LDHAL6A: variants seen among roughly 807,000 people sequenced by gnomAD.
The protein encoded by LDHAL6A is lactate dehydrogenase A like 6A.
A neutral mutation model predicts 28.2 loss-of-function variants in LDHAL6A; 19 were observed. The ratio of observed to expected loss-of-function variants is 0.67; its 90% confidence interval spans 0.47 to 0.99. The LOEUF is 0.99. LDHAL6A is among the 50% of genes least tolerant of loss of function. LDHAL6A has a pLI of 0.00. For missense variants in LDHAL6A, 372 were observed against 398.6 expected (o/e 0.93, Z 0.57); for synonymous variants, 144 against 134.4 (o/e 1.07, Z -0.49).
At chr11:18,457,531 A>G (rs1484811532) in intron 1 of LDHAL6A, among the ~76,000 whole-genome samples, 1 of 152,114 alleles carries the variant, frequency 6.6e-6, no homozygotes, top group African/African-American at 2.4e-5. Flanking sequence ...TGGGTTTCAT[A>G]TCTAGATGAC....
intron 4 of LDHAL6A, among the ~76,000 whole-genome samples, chr11:18,475,998 C>T (rs1469767828): frequency 3.8e-5 from 1 of 26,322 alleles, no homozygotes; most frequent in Non-Finnish European, 1.8e-4. Flanking sequence ...ATGGGTATAA[C>T]TGAAGATATA....
chr11:18,474,413 G>A (rs926665610), intron 3 of LDHAL6A, among the ~76,000 whole-genome samples: 10 of 150,512 alleles, frequency 6.6e-5, no homozygotes, highest in African/African-American at 1.5e-4. Context: ...TTTTTGAGAC[G>A]GAGTCTTGCT....
At position 18,455,907 on chromosome 11, in the gene LDHAL6A, CCAAGCA is replaced by C. The variant is rs1848739946; in HGVS notation, c.-773_-768del. 1 of 151,864 alleles carries C rather than the reference CCAAGCA, an allele frequency of 6.6e-6. No homozygotes were observed. Among genetic ancestry groups the C allele is most frequent in the East Asian group, 1.9e-4 (1 of 5,170 alleles). 9.4% of individuals were successfully genotyped at this position (151,864 alleles called of 1,614,324 possible). On this transcript the variant is annotated 5_prime_UTR_variant, in exon 1 of 7. Coordinates refer to ENST00000280706, the MANE Select transcript of LDHAL6A (RefSeq NM_144972.5). ...TCACACCTGCCAAGCATCACACCTG[CCAAGCA>C]TCACACCTGCCAAGCATCACACCTG...
chr11:18,458,063 G>A (rs1848804762), intron 1 of LDHAL6A, among the ~76,000 whole-genome samples: 1 of 152,326 alleles, frequency 6.6e-6, no homozygotes, highest in African/African-American at 2.4e-5. Context: ...GGGAGGGACT[G>A]AGCCATATCC....
At chr11:18,462,032 TGTG>T (rs1008925523) in intron 1 of LDHAL6A, among the ~76,000 whole-genome samples, 83 of 151,056 alleles carry the variant, frequency 5.5e-4, no homozygotes, top group African/African-American at 1.7e-3. Flanking sequence ...GCTCCTGTGA[TGTG>T]GTGGTAGGCG....
intron 3 of LDHAL6A, among the ~76,000 whole-genome samples, chr11:18,467,968 CGTATAT>C (rs1849139737): frequency 1.8e-4 from 2 of 11,404 alleles, no homozygotes; most frequent in African/African-American, 3.8e-4. Flanking sequence ...TATATATATA[CGTATAT>C]ATATACGTAT....
At chr11:18,466,341 C>T (rs981016297) in intron 3 of LDHAL6A, among the ~76,000 whole-genome samples, 8 of 151,918 alleles carry the variant, frequency 5.3e-5, no homozygotes, top group Non-Finnish European at 1.2e-4. Flanking sequence ...AGTGTATATA[C>T]TATAATGACT....
intron 3 of LDHAL6A, among the ~76,000 whole-genome samples, chr11:18,468,014 CATATATATACGTATATATATAT>C (rs1849153712): frequency 1.7e-4 from 10 of 59,960 alleles, no homozygotes; most frequent in African/African-American, 6.5e-4. Context: ...TATATATATA[CATATATATACGTATATATATAT>C]ACATATATAT....
At chr11:18,474,667 G>T in intron 3 of LDHAL6A, among the ~76,000 whole-genome samples, 1 of 152,102 alleles carries the variant, frequency 6.6e-6, no homozygotes, top group South Asian at 2.1e-4. Flanking sequence ...GATTACAGGC[G>T]TGAGCCACTG....
chr11:18,463,617 A>G (rs896018904), intron 1 of LDHAL6A, among the ~76,000 whole-genome samples: 17 of 152,222 alleles, frequency 1.1e-4, no homozygotes, highest in African/African-American at 3.4e-4. Context: ...AAGAAGCTCA[A>G]GGTCTGGTGA....
chr11:18,468,039 ATATATATACGTATATATATATACAT>A (rs1849160022), intron 3 of LDHAL6A, among the ~76,000 whole-genome samples: 1 of 11,292 alleles, frequency 8.9e-5, no homozygotes, highest in Non-Finnish European at 3.1e-4. Context: ...ATATATATAC[ATATATATACGTATATATATATACAT>A]ATATATATAT....
chr11:18,464,980 T>TTTTG, intron 2 of LDHAL6A, among the ~76,000 whole-genome samples: 1 of 135,882 alleles, frequency 7.4e-6, no homozygotes, highest in Admixed American at 7.4e-5. Flanking sequence ...TTTTTTTGTT[T>TTTTG]TTTTTTGTTT....
chr11:18,470,288 G>C (rs1849226548), intron 3 of LDHAL6A, among the ~76,000 whole-genome samples: 1 of 152,240 alleles, frequency 6.6e-6, no homozygotes, highest in Non-Finnish European at 1.5e-5. Flanking sequence ...AATCTGGGTA[G>C]AGAGGGGTTT....
intron 4 of LDHAL6A, 37 bp from the exon 5 acceptor site, chr11:18,476,347 C>T (rs1849381928): frequency 1.3e-6 from 2 of 1,599,564 alleles, no homozygotes; most frequent in Non-Finnish European, 1.7e-6. Context: ...CTGCTAATAC[C>T]ATGTAAGAAG....
At position 18,475,555 on chromosome 11, in the gene LDHAL6A, T is replaced by C; in HGVS notation, c.508T>C (p.Phe170Leu). 1 of 1,614,134 alleles carries C rather than the reference T, an allele frequency of 6.2e-7. No homozygotes were observed. Among genetic ancestry groups the C allele is most frequent in the Non-Finnish European group, 8.5e-7 (1 of 1,179,998 alleles). ...TGGTTGTAATCTGGACTCTGCTCGT[T>C]TTCGTTACTTTATTGGGCAAAGGCT... ...GSGCNLDSAR[F>L]RYFIGQRLGI... Residue 170 changes from phenylalanine (F) to leucine (L), a missense_variant, in exon 4 of 7, where the codon TTT (phenylalanine) becomes CTT (leucine). Coordinates refer to ENST00000280706, the MANE Select transcript of LDHAL6A (RefSeq NM_144972.5).
chr11:18,477,871 G>A (rs943479448), intron 6 of LDHAL6A, 128 bp downstream of exon 6: 6 of 790,486 alleles, frequency 7.6e-6, no homozygotes. Flanking sequence ...TCTGTTCTTT[G>A]CTGCTGAAGA....
intron 3 of LDHAL6A, among the ~76,000 whole-genome samples, chr11:18,474,973 G>C (rs1295184398): frequency 6.6e-6 from 1 of 152,124 alleles, no homozygotes; most frequent in African/African-American, 2.4e-5. Context: ...AGGCACGGTG[G>C]CTCACGCCTG....
chr11:18,468,812 T>G (rs545522634), intron 3 of LDHAL6A: 53 of 165,920 alleles, frequency 3.2e-4, no homozygotes, highest in Middle Eastern at 2.6e-3. Flanking sequence ...GTTCATAGAT[T>G]ATCAAAAGTT....
chr11:18,472,634 T>C (rs2133885804), intron 3 of LDHAL6A, among the ~76,000 whole-genome samples: 1 of 152,328 alleles, frequency 6.6e-6, no homozygotes, highest in African/African-American at 2.4e-5. Flanking sequence ...ATGTTTAGGA[T>C]AGAATTTGAT....
Sources: gnomAD v4.1 joint callset for allele counts (sites outside exome capture counted in the v4.1 genomes callset) on GRCh38, gnomAD v4.1.1 for gene constraint, MANE v1.5 for transcripts, NCBI Gene and HGNC (gene_info 2026-07-23, HGNC 2026-07-21) for gene names.